POM121: variants seen among roughly 807,000 people sequenced by gnomAD.
The protein encoded by POM121 is nuclear envelope pore membrane protein POM 121.
In POM121, 32 loss-of-function variants were observed where a neutral mutation model predicts 81.3. That is an observed-to-expected ratio of 0.39 (90% CI 0.30 to 0.53). The LOEUF is 0.53. POM121 is among the 20% of genes least tolerant of loss of function. POM121 has a pLI of 0.66. For synonymous variants in POM121, 514 were observed against 694.2 expected (o/e 0.74, Z 4.08); for missense variants, 1,138 against 1,614.6 (o/e 0.70, Z 5.06).
chr7:72,943,980 C>T (rs1410646349), intron 11 of POM121, among the ~76,000 whole-genome samples: 1 of 151,796 alleles, frequency 6.6e-6, no homozygotes, highest in African/African-American at 2.4e-5. Flanking sequence ...TTGGAGGTTG[C>T]AGTGAGCCAA....
At position 72,943,409 on chromosome 7, in the gene POM121, C is replaced by T; in HGVS notation, c.3416C>T (p.Thr1139Ile). 1 of 1,613,270 alleles carries T rather than the reference C, an allele frequency of 6.2e-7. No individual in the cohort carries two copies. Among genetic ancestry groups the T allele is most frequent in the South Asian group, 1.1e-5 (1 of 90,988 alleles). Residue 1139 changes from threonine to isoleucine, a missense_variant, in exon 11 of 13, where the codon ACC becomes ATC. Thr to Ile is a moderately conservative substitution (Grantham distance 89). Coordinates refer to ENST00000434423, the MANE Select transcript of POM121 (RefSeq NM_001387691.1). Reference protein sequence around the residue: ...FGAGQSGSTATSTPFAGGLGQ... With the variant: ...FGAGQSGSTAISTPFAGGLGQ... Reference sequence around the variant, plus strand: ...GCAGGACAGAGTGGGAGCACAGCCACCTCCACCCCCTTCGCAGGGGGCTTA... The same window carrying T: ...GCAGGACAGAGTGGGAGCACAGCCATCTCCACCCCCTTCGCAGGGGGCTTA...
chr7:72,907,316 A>G (rs1304080177), intron 3 of POM121, among the ~76,000 whole-genome samples: 1 of 152,092 alleles, frequency 6.6e-6, no homozygotes, highest in Non-Finnish European at 1.5e-5. Context: ...TGTTGTCTTG[A>G]ATATCACCTC....
At chr7:72,944,436 C>T (rs542139143) in intron 11 of POM121, among the ~76,000 whole-genome samples, 6 of 152,004 alleles carry the variant, frequency 3.9e-5, no homozygotes, top group Admixed American at 2.6e-4. Context: ...TTGAAATAGT[C>T]ATTTTGGACA....
At chr7:72,903,354 T>G (rs1792903251) in intron 3 of POM121, among the ~76,000 whole-genome samples, 1 of 152,164 alleles carries the variant, frequency 6.6e-6, no homozygotes, top group South Asian at 2.1e-4. Context: ...GAGGAACTGC[T>G]TGAACCAGGG....
At position 72,942,885 on chromosome 7, in the gene POM121, G is replaced by A. The variant is rs782716752; in HGVS notation, c.2892G>A (p.Pro964=). ...CCAAGTCCCCGCTCCCATCATATCC[G>A]GGAGCCAACCCCCAGCCCGCATTTG... ...SSAKSPLPSY[P]GANPQPAFGA... The change falls in exon 11 of 13, where the codon CCG becomes CCA. Residue 964 remains proline, a synonymous_variant. Transcript: ENST00000434423. 199 of 1,598,654 alleles carry A rather than the reference G, an allele frequency of 1.2e-4. No homozygotes were observed. Among genetic ancestry groups the A allele is most frequent in the Middle Eastern group, 3.5e-4 (2 of 5,668 alleles).
intron 4 of POM121, among the ~76,000 whole-genome samples, chr7:72,929,170 T>C (rs1795773426): frequency 6.6e-6 from 1 of 152,118 alleles, no homozygotes; most frequent in African/African-American, 2.4e-5. Flanking sequence ...ATGGAAGTAT[T>C]AGCCCAGAGG....
upstream of POM121, among the ~76,000 whole-genome samples, chr7:72,921,890 A>T (rs1338014691): frequency 2.0e-5 from 3 of 152,198 alleles, no homozygotes; most frequent in African/African-American, 7.2e-5. Flanking sequence ...CTGTGATACA[A>T]ATAATGCTTC....
At chr7:72,931,563 A>G (rs1796022290) in intron 5 of POM121, among the ~76,000 whole-genome samples, 3 of 151,260 alleles carry the variant, frequency 2.0e-5, no homozygotes, top group Non-Finnish European at 2.9e-5. Flanking sequence ...GATCCTAGTA[A>G]CACGCAATTT....
chr7:72,894,634 A>AGG (rs1791701071), intron 3 of POM121, among the ~76,000 whole-genome samples: 1 of 45,656 alleles, frequency 2.2e-5, no homozygotes, highest in African/African-American at 6.0e-5. Flanking sequence ...GAGGAGAGAG[A>AGG]GAGAGAGAGA....
chr7:72,921,207 T>G (rs762840185), upstream of POM121, among the ~76,000 whole-genome samples: 21 of 152,060 alleles, frequency 1.4e-4, no homozygotes, highest in Non-Finnish European at 2.2e-4. Flanking sequence ...AGTAAATAAA[T>G]AAAGAAAAGA....
intron 11 of POM121, 124 bp downstream of exon 11, chr7:72,943,646 T>G: frequency 4.8e-6 from 7 of 1,444,232 alleles, no homozygotes; most frequent in Non-Finnish European, 6.4e-6. Flanking sequence ...TAGAACTCAG[T>G]GAGATGCCAG....
intron 1 of POM121, among the ~76,000 whole-genome samples, chr7:72,883,045 T>G (rs1445507221): frequency 6.6e-6 from 1 of 152,126 alleles, no homozygotes; most frequent in African/African-American, 2.4e-5. Context: ...TTTGTTTCTT[T>G]TTTTCTTTTT....
At chr7:72,879,790 G>A (rs62463388) in exon 1 of POM121, 328,201 of 493,014 alleles carry the variant, frequency 0.67, 109,687 homozygotes, top group East Asian at 0.75. Context: ...TGAGGTGGAC[G>A]GGAGGGGACT....
At chr7:72,889,275 A>G (rs566701690) in intron 1 of POM121, among the ~76,000 whole-genome samples, 1 of 152,366 alleles carries the variant, frequency 6.6e-6, no homozygotes, top group East Asian at 1.9e-4. Flanking sequence ...CCACCAGCCT[A>G]GCGGCTCTGC....
In POM121 at chr7:72,938,693, T is replaced by C. The variant is rs550007339; in HGVS notation, c.1367+12T>C. Reference sequence around the variant, plus strand: ...GCAAAGAAAATAAGGTACTTGGCATTCTCCTGCAGTTTTCATTTGCTGCGT... The same window carrying C: ...GCAAAGAAAATAAGGTACTTGGCATCCTCCTGCAGTTTTCATTTGCTGCGT... On this transcript the variant is annotated intron_variant, in intron 6 of 12. Coordinates refer to ENST00000434423, the MANE Select transcript of POM121 (RefSeq NM_001387691.1). 3 of 1,612,144 alleles carry C rather than the reference T, an allele frequency of 1.9e-6. No individual in the cohort carries two copies. The highest frequency in any genetic ancestry group is 8.5e-7 in the Non-Finnish European group (1 of 1,178,320).
At position 72,901,070 on chromosome 7, in the gene POM121, C is replaced by G. The variant is rs564988519; in HGVS notation, c.-216+9960C>G. On this transcript the variant is annotated intron_variant, in intron 3 of 15. Coordinates refer to the POM121 transcript ENST00000395270. ...GTGTAATCATAGCTCATTGAAGCCT[C>G]AAACTCCTGAGCTCCAGGAATCCTC... is the stretch of plus-strand genomic sequence containing the variant. Among the ~76,000 whole-genome samples the G allele has an allele frequency of 3.3e-4, 50 of 151,906 alleles. No individual in the cohort carries two copies. In the South Asian group the frequency reaches 0.01, roughly 31 times the overall value.
At chr7:72,893,459 C>G (rs1473627652) in intron 3 of POM121, among the ~76,000 whole-genome samples, 1 of 152,054 alleles carries the variant, frequency 6.6e-6, no homozygotes, top group African/African-American at 2.4e-5. Context: ...TGGCGGGCGC[C>G]TGCAGTCCCA....
chr7:72,948,171 C>T lies in POM121; in HGVS notation c.*1937C>T, dbSNP rs1797824511. Reference sequence around the variant, plus strand: ...GTACAGTACACGCACTGGACGGCAGCGGGAGGCTGGGACTTTCCATTACAA... The same window carrying T: ...GTACAGTACACGCACTGGACGGCAGTGGGAGGCTGGGACTTTCCATTACAA... On this transcript the variant is annotated 3_prime_UTR_variant, in exon 13 of 13. Transcript: ENST00000434423. The T allele has an allele frequency of 6.3e-6, 9 of 1,433,944 alleles. No homozygotes were observed. The highest frequency in any genetic ancestry group is 2.9e-5 in the Admixed American group (1 of 35,028). 88.8% of individuals were successfully genotyped at this position (1,433,944 alleles called of 1,614,324 possible).
In POM121 at chr7:72,912,933, G is replaced by T. The variant is rs578073219; in HGVS notation, c.-215-832G>T. Reference sequence around the variant, plus strand: ...CTACAGCCATGTCGAAATTGTGTCTGGAGAAGCACATGACGCAGACTCTCC... The same window carrying T: ...CTACAGCCATGTCGAAATTGTGTCTTGAGAAGCACATGACGCAGACTCTCC... On this transcript the variant is annotated intron_variant, in intron 3 of 15. Coordinates refer to the POM121 transcript ENST00000395270. 6.9e-4 allele frequency among the ~76,000 whole-genome samples: 105 copies of T among 152,282 alleles called. No homozygotes were observed. The East Asian group carries it at 0.019, about 28-fold the overall frequency.
Sources: gnomAD v4.1 joint callset for allele counts (sites outside exome capture counted in the v4.1 genomes callset) on GRCh38, gnomAD v4.1.1 for gene constraint, MANE v1.5 for transcripts, NCBI Gene and HGNC (gene_info 2026-07-23, HGNC 2026-07-21) for gene names.